ESYT3: variants seen among roughly 807,000 people sequenced by gnomAD.
The protein encoded by ESYT3 is extended synaptotagmin 3.
A neutral mutation model predicts 111.5 loss-of-function variants in ESYT3; 101 were observed. That is an observed-to-expected ratio of 0.91 (90% CI 0.77 to 1.07). The LOEUF (loss-of-function observed/expected upper bound fraction) is 1.07, where lower values mean the gene tolerates loss of function less well. Ranked by LOEUF, ESYT3 falls within the 50% of genes least tolerant of loss-of-function variation. ESYT3 has a pLI of 0.00. For synonymous variants in ESYT3, 416 were observed against 446.8 expected, an observed-to-expected ratio of 0.93 and a Z score of 0.87; for missense variants, 1,097 against 1,109.4, an observed-to-expected ratio of 0.99 and a Z score of 0.16.
At chr3:138,461,529 T>C (rs2032640180) in intron 7 of ESYT3, among the ~76,000 whole-genome samples, 1 of 152,150 alleles carries the variant, frequency 6.6e-6, no homozygotes, top group East Asian at 1.9e-4. Flanking sequence ...TTCACTGACA[T>C]CTGCATGGAT....
chr3:138,439,043 A>T (rs2030943097), intron 1 of ESYT3, among the ~76,000 whole-genome samples: 1 of 152,144 alleles, frequency 6.6e-6, no homozygotes. Context: ...GACTGTGTAT[A>T]GCACAGTGAC....
At chr3:138,473,492 A>G (rs1385374833) in intron 18 of ESYT3, 44 bp from the exon 19 acceptor site, 7 of 1,559,182 alleles carry the variant, frequency 4.5e-6, no homozygotes, top group Non-Finnish European at 6.2e-6. Context: ...GAAGAGGGCC[A>G]ATGCTTGTTA....
chr3:138,441,616 C>A (rs1010492843), intron 1 of ESYT3, among the ~76,000 whole-genome samples: 3 of 152,134 alleles, frequency 2.0e-5, no homozygotes, highest in African/African-American at 7.2e-5. Flanking sequence ...ACCTGGCCTG[C>A]CTTGCTCTTT....
intron 1 of ESYT3, among the ~76,000 whole-genome samples, chr3:138,450,595 T>C (rs1347513589): frequency 6.6e-6 from 1 of 152,138 alleles, no homozygotes; most frequent in East Asian, 1.9e-4. Flanking sequence ...CAAGAGAGAA[T>C]GGGAGAATGG....
chr3:138,470,152 A>G lies in ESYT3; in HGVS notation c.1590+6A>G. 6.2e-7 allele frequency: 1 copy of G among 1,610,686 alleles called. No homozygotes were observed. Among genetic ancestry groups the G allele is most frequent in the Non-Finnish European group, 8.5e-7 (1 of 1,177,822 alleles). On this transcript the variant is annotated splice_donor_region_variant and intron_variant, in intron 16 of 22. Coordinates refer to ENST00000389567, the MANE Select transcript of ESYT3 (RefSeq NM_031913.5). ...CTGAGCGGCTCCATCTGAAGGTTTG[A>G]TGGAAGAAGGGCTCTTGAAACAGAG...
At position 138,472,723 on chromosome 3, in the gene ESYT3, A is replaced by G. The variant is rs1324156854; in HGVS notation, c.2101A>G (p.Ile701Val). 1.9e-6 allele frequency: 3 copies of G among 1,614,068 alleles called. No individual in the cohort carries two copies. Among genetic ancestry groups the G allele is most frequent in the East Asian group, 2.2e-5 (1 of 44,884 alleles). Reference protein sequence around the residue: ...TVPGPHSPGPIKSPRPMKCPA... With the variant: ...TVPGPHSPGPVKSPRPMKCPA... ...CCCAGGTCCCCACTCTCCAGGGCCC[A>G]TCAAGTCACCCAGACCCATGAAATG... Residue 701 changes from isoleucine to valine, a missense_variant, in exon 18 of 23, where the codon ATC becomes GTC. Physicochemically the swap from Ile to Val is conservative, Grantham distance 29 (BLOSUM62 3). Transcript: ENST00000389567.
At chr3:138,471,124 A>AT (rs1217220432) in intron 17 of ESYT3, 98 bp downstream of exon 17, 34 of 977,604 alleles carry the variant, frequency 3.5e-5, no homozygotes, top group Non-Finnish European at 5.0e-5. Context: ...GTGTGCCTGG[A>AT]AGAAGCCAGG....
intron 5 of ESYT3, 48 bp from the exon 6 acceptor site, chr3:138,459,897 G>A: frequency 1.3e-6 from 2 of 1,550,130 alleles, no homozygotes; most frequent in Non-Finnish European, 1.8e-6. Flanking sequence ...AGCAGGCATG[G>A]GGAGAAAGTA....
rs2033613310 is a variant in ESYT3, at chr3:138,479,106, C to CAA, written c.*2254_*2255dup. The stretch of plus-strand genomic sequence containing the variant: ...ACAAAAACAGACTTTAAAAAAAATA[C>CAA]AAAGTACACAGGAATATCAAACTGA... On this transcript the variant is annotated 3_prime_UTR_variant, in exon 23 of 23. Transcript: ENST00000389567. The CAA allele has an allele frequency of 6.6e-6, 1 of 152,054 alleles. No homozygotes were observed. 9.4% of individuals were successfully genotyped at this position (152,054 alleles called of 1,614,324 possible). A position where few individuals can be genotyped will look rare whatever the true frequency, so the allele number is the denominator to read the frequency against.
chr3:138,458,285 G>A (rs1266076494), intron 4 of ESYT3, among the ~76,000 whole-genome samples: 3 of 152,208 alleles, frequency 2.0e-5, no homozygotes, highest in South Asian at 2.1e-4. Context: ...CTAGTTCTTC[G>A]GACCGCCCAT....
downstream of ESYT3, chr3:138,480,772 G>T (rs185957926): frequency 2.0e-5 from 3 of 152,210 alleles, no homozygotes; most frequent in African/African-American, 7.2e-5. Flanking sequence ...GGTTGTGTGT[G>T]TAACTTGATA....
chr3:138,471,674 G>A (rs191121835), intron 17 of ESYT3, among the ~76,000 whole-genome samples: 115 of 152,316 alleles, frequency 7.6e-4, no homozygotes, highest in Admixed American at 1.9e-3. Flanking sequence ...CATATGTTCA[G>A]TGTTCCTTTA....
chr3:138,475,965 T>C (rs377418083), intron 20 of ESYT3, among the ~76,000 whole-genome samples: 9 of 152,140 alleles, frequency 5.9e-5, no homozygotes, highest in African/African-American at 1.9e-4. Context: ...TGGAGAAAGA[T>C]AGATGCAAAC....
intron 1 of ESYT3, among the ~76,000 whole-genome samples, chr3:138,439,918 G>C (rs991815121): frequency 6.6e-6 from 1 of 152,194 alleles, no homozygotes; most frequent in East Asian, 1.9e-4. Flanking sequence ...CAGTTAACTC[G>C]TGTGTGTCTG....
chr3:138,445,375 GC>G (rs1408109323), intron 1 of ESYT3, among the ~76,000 whole-genome samples: 1 of 152,082 alleles, frequency 6.6e-6, no homozygotes, highest in African/African-American at 2.4e-5. Flanking sequence ...CTATGCAGTT[GC>G]CCCCATTGGG....
chr3:138,445,846 C>T (rs1446047675), intron 1 of ESYT3, among the ~76,000 whole-genome samples: 3 of 152,138 alleles, frequency 2.0e-5, no homozygotes, highest in Non-Finnish European at 4.4e-5. Flanking sequence ...GATGAGAAAG[C>T]TGAGGCTTAG....
rs895465348 is a variant in ESYT3 at position 138,474,429 on chromosome 3, G to A, written c.2468+77G>A. 86 of 1,486,776 alleles carry A rather than the reference G, an allele frequency of 5.8e-5. 1 individual carries two copies. The Middle Eastern group carries it at 8.4e-4, about 14-fold the overall frequency. 92.1% of individuals were successfully genotyped at this position (1,486,776 alleles called of 1,614,324 possible). A position where few individuals can be genotyped will look rare whatever the true frequency, so the allele number is the denominator to read the frequency against. Reference sequence around the variant, plus strand: ...CAAGTACCTGTTATGTTGCCTGGCAGCCTGCCAGATGCTGGAAGGGGCTAT... The same window carrying A: ...CAAGTACCTGTTATGTTGCCTGGCAACCTGCCAGATGCTGGAAGGGGCTAT... On this transcript the variant is annotated intron_variant, in intron 20 of 22. Coordinates refer to ENST00000389567, the MANE Select transcript of ESYT3 (RefSeq NM_031913.5).
Position 138,452,078 on chromosome 3 carries a change from T to A in ESYT3, c.358T>A (p.Trp120Arg). Residue 120 changes from tryptophan to arginine, a missense_variant, in exon 2 of 23, where the codon TGG becomes AGG. Coordinates refer to ENST00000389567, the MANE Select transcript of ESYT3 (RefSeq NM_031913.5). ...IHFPDVERVE[W>R]ANKIISQTWP... ...CTTCCCGGACGTGGAGCGGGTCGAG[T>A]GGGCCAACAAGGTAAGGCCGCTGGC... 1 of 1,607,234 alleles carries A rather than the reference T, an allele frequency of 6.2e-7. No individual in the cohort carries two copies. The highest frequency in any genetic ancestry group is 1.1e-5 in the South Asian group (1 of 91,074).
At chr3:138,465,306 C>G in intron 9 of ESYT3, 33 bp from the exon 10 acceptor site, 1 of 1,511,952 alleles carries the variant, frequency 6.6e-7, no homozygotes, top group Non-Finnish European at 9.0e-7. Flanking sequence ...TCGACTGTTG[C>G]CTGCAGGTCA....
Sources: gnomAD v4.1 joint callset for allele counts (sites outside exome capture counted in the v4.1 genomes callset) on GRCh38, gnomAD v4.1.1 for gene constraint, MANE v1.5 for transcripts, NCBI Gene and HGNC (gene_info 2026-07-23, HGNC 2026-07-21) for gene names.